The following KIF1A variants were observed in gnomAD, a reference collection of about 807,000 sequenced individuals.
KIF1A encodes kinesin family member 1A.
A neutral mutation model predicts 227.3 loss-of-function variants in KIF1A; 46 were observed. That is an observed-to-expected ratio of 0.20 (90% CI 0.16 to 0.26). The LOEUF is 0.26. Ranked by LOEUF, KIF1A falls within the 10% of genes least tolerant of loss-of-function variation. The pLI, the probability that KIF1A is intolerant of heterozygous loss-of-function variation, is 1.00. For synonymous variants in KIF1A, 1,022 were observed against 1,012.8 expected, an observed-to-expected ratio of 1.01 and a Z score of -0.17; for missense variants, 1,683 against 2,485.9, an observed-to-expected ratio of 0.68 and a Z score of 6.87.
chr2:240,751,952 C>T (rs1224236031), intron 27 of KIF1A, among the ~76,000 whole-genome samples: 1 of 152,166 alleles, frequency 6.6e-6, no homozygotes, highest in Middle Eastern at 3.2e-3. Flanking sequence ...TGACTTTACA[C>T]ATCCTCATGG....
chr2:240,768,178 C>T (rs2051449449), intron 17 of KIF1A, among the ~76,000 whole-genome samples: 1 of 152,186 alleles, frequency 6.6e-6, no homozygotes, highest in Non-Finnish European at 1.5e-5. Context: ...AGACCCAGGG[C>T]AACCAATAAA....
Position 240,774,273 on chromosome 2 carries a change from A to C in KIF1A, c.959-12T>G, listed in dbSNP as rs2052425884. On this transcript the variant is annotated splice_polypyrimidine_tract_variant and intron_variant, in intron 11 of 48. Transcript: ENST00000498729. ...CCTTGAGTTACCGCCTGTGGGAAGA[A>C]GACCAGGTTGTGCCCAGAGGGGGAT... The C allele has an allele frequency of 6.2e-7, 1 of 1,601,800 alleles. No individual in the cohort carries two copies. Among genetic ancestry groups the C allele is most frequent in the African/African-American group, 1.3e-5 (1 of 74,660 alleles).
chr2:240,744,256 C>T (rs1050504812), intron 32 of KIF1A, among the ~76,000 whole-genome samples, 196 bp from the exon 33 acceptor site: 3 of 152,218 alleles, frequency 2.0e-5, no homozygotes, highest in Non-Finnish European at 2.9e-5. Flanking sequence ...CCCAGACAGA[C>T]TCTGGAGTGT....
chr2:240,772,023 G>A (rs920698933), intron 14 of KIF1A, among the ~76,000 whole-genome samples: 6 of 152,232 alleles, frequency 3.9e-5, no homozygotes, highest in African/African-American at 1.4e-4. Context: ...AGCCAGACCC[G>A]AGGCCAGGAG....
At chr2:240,812,616 C>CA (rs2057956893) in intron 1 of KIF1A, among the ~76,000 whole-genome samples, 2 of 85,326 alleles carry the variant, frequency 2.3e-5, no homozygotes, top group Non-Finnish European at 5.4e-5. Context: ...GCCTTCACCT[C>CA]GGGATCTGCC....
At chr2:240,782,638 GC>G in intron 9 of KIF1A, 31 bp from the exon 10 acceptor site, 1 of 1,550,790 alleles carries the variant, frequency 6.4e-7, no homozygotes, top group Non-Finnish European at 8.7e-7. Context: ...AGAGGCTGAG[GC>G]CCGGAGCGAA....
Position 240,750,433 on chromosome 2 carries a change from G to C in KIF1A, c.2973C>G (p.Ile991Met). ...CGGCCTTTGGCCCACACGCACCTGAGATGGCCTGGACGGCCACGCGGAGGA... is the reference window on the plus strand; with the variant it reads ...CGGCCTTTGGCCCACACGCACCTGACATGGCCTGGACGGCCACGCGGAGGA... ...KGFLRVAVQA[I>M]SADEEAPDYG... Residue 991 changes from isoleucine (I) to methionine (M), a missense_variant, in exon 28 of 49, where the codon ATC becomes ATG. Around this residue, in one of 12 missense-constraint regions of KIF1A, gnomAD observed 759 missense variants for 1,020.2 expected, o/e 0.74. Coordinates refer to ENST00000498729, the MANE Select transcript of KIF1A (RefSeq NM_001244008.2). 1.2e-6 allele frequency: 2 copies of C among 1,611,010 alleles called. No homozygotes were observed. Among genetic ancestry groups the C allele is most frequent in the Non-Finnish European group, 1.7e-6 (2 of 1,177,328 alleles).
intron 1 of KIF1A, among the ~76,000 whole-genome samples, chr2:240,811,306 A>T (rs185335896): frequency 8.1e-4 from 124 of 152,312 alleles, no homozygotes; most frequent in Admixed American, 5.3e-3. Flanking sequence ...CAGAGGTTGC[A>T]GTGAGTAGAG....
Position 240,721,640 on chromosome 2 carries a change from C to G in KIF1A, c.4743+167G>C, listed in dbSNP as rs540660457. 1.9e-3 allele frequency among the ~76,000 whole-genome samples: 295 copies of G among 152,348 alleles called. 3 individuals are homozygous for G. The highest frequency in any genetic ancestry group is 5.8e-3 in the African/African-American group (241 of 41,578). On this transcript the variant is annotated intron_variant, in intron 44 of 48. Coordinates refer to ENST00000498729, the MANE Select transcript of KIF1A (RefSeq NM_001244008.2). ...ACCTCCCATGGACCCCAGGCCGACCCAGGGAAACCAGCCACTTAGGTATGA... is the reference window on the plus strand; with the variant it reads ...ACCTCCCATGGACCCCAGGCCGACCGAGGGAAACCAGCCACTTAGGTATGA...
intron 1 of KIF1A, among the ~76,000 whole-genome samples, chr2:240,814,649 G>A (rs2058186945): frequency 6.6e-6 from 1 of 152,206 alleles, no homozygotes; most frequent in South Asian, 2.1e-4. Flanking sequence ...TAAAAAGGCT[G>A]GGCGCGGTGG....
intron 38 of KIF1A, among the ~76,000 whole-genome samples, chr2:240,730,068 G>A (rs546997061): frequency 1.2e-4 from 18 of 152,280 alleles, no homozygotes; most frequent in East Asian, 1.9e-4. Flanking sequence ...TTGGAATCTC[G>A]GGCCAGGAGG....
In KIF1A at chr2:240,745,523, A is replaced by G. The variant is rs2048485151; in HGVS notation, c.3375-6T>C. ...CGTCGTGGCGGTGGATGAAGCTGCA[A>G]AGCAGAGGAGATGCTTTGGTGTGGG... On this transcript the variant is annotated splice_polypyrimidine_tract_variant and splice_region_variant and intron_variant, in intron 31 of 48. Transcript: ENST00000498729. 1.9e-6 allele frequency: 3 copies of G among 1,606,200 alleles called. No homozygotes were observed. In the South Asian group the frequency reaches 3.3e-5, roughly 18 times the overall value.
intron 27 of KIF1A, among the ~76,000 whole-genome samples, chr2:240,756,302 T>C (rs1220854277): frequency 2.0e-5 from 3 of 152,222 alleles, no homozygotes; most frequent in Admixed American, 2.0e-4. Flanking sequence ...TCTTATGACA[T>C]TCATATATGT....
At chr2:240,741,248 G>A (rs1165927894) in intron 35 of KIF1A, 21 bp downstream of exon 35, 1 of 1,543,626 alleles carries the variant, frequency 6.5e-7, no homozygotes, top group Non-Finnish European at 8.8e-7. Context: ...ACGCCCTGGG[G>A]GCCCCAGCAC....
At chr2:240,810,134 C>T (rs1016951192) in intron 1 of KIF1A, among the ~76,000 whole-genome samples, 3 of 151,970 alleles carry the variant, frequency 2.0e-5, no homozygotes, top group African/African-American at 4.8e-5. Flanking sequence ...CTTAACCCAC[C>T]GAAAACACCA....
chr2:240,765,191 T>C (rs2051015497), intron 20 of KIF1A, among the ~76,000 whole-genome samples: 1 of 152,202 alleles, frequency 6.6e-6, no homozygotes, highest in Non-Finnish European at 1.5e-5. Flanking sequence ...CTGACTTCTC[T>C]AAAGAAGGGA....
At chr2:240,742,780 G>A (rs2048137696) in intron 34 of KIF1A, 149 bp downstream of exon 34, 1 of 681,098 alleles carries the variant, frequency 1.5e-6, no homozygotes, top group South Asian at 1.9e-5. Context: ...GACCCCGTGA[G>A]GCCTGACAGG....
At chr2:240,773,887 CA>C (rs2052369403) in intron 12 of KIF1A, among the ~76,000 whole-genome samples, 1 of 152,166 alleles carries the variant, frequency 6.6e-6, no homozygotes, top group Non-Finnish European at 1.5e-5. Context: ...CCCCGGCCGG[CA>C]GGTGAGTGTA....
Position 240,775,852 on chromosome 2 carries a change from C to T in KIF1A, c.957G>A (p.Leu319=). The change falls in exon 11 of 49, where the codon CTG becomes CTA. Residue 319 remains leucine (L), a splice_region_variant and synonymous_variant. Transcript: ENST00000498729. The surrounding 1 kb of genome is among the most constrained non-coding windows in gnomAD (Gnocchi z 5.5). ...ACAGGCAAACCCACAAGTTCTCACC[C>T]AGGTTTTCCCGGAGGAGCCAGGTCA... is the stretch of plus-strand genomic sequence containing the variant. The part of the protein sequence containing the change: ...SVLTWLLREN[L]GGNSRTAMVA... 6.2e-7 allele frequency: 1 copy of T among 1,602,492 alleles called. No homozygotes were observed. The highest frequency in any genetic ancestry group is 1.3e-5 in the African/African-American group (1 of 74,826).
Sources: allele counts gnomAD v4.1 joint callset (sites outside exome capture counted in the v4.1 genomes callset), GRCh38; gene constraint gnomAD v4.1.1; regional missense constraint gnomAD v4.1.1; non-coding constraint Gnocchi (gnomAD v3.1); transcripts MANE v1.5; gene names NCBI Gene and HGNC (gene_info 2026-07-23, HGNC 2026-07-21).